LYST: variants seen among roughly 807,000 people sequenced by gnomAD.
LYST encodes lysosomal-trafficking regulator.
LYST carries 192 observed loss-of-function variants against 413.6 expected under a neutral mutation model. The ratio of observed to expected loss-of-function variants is 0.46; its 90% CI spans 0.41 to 0.52. The LOEUF is 0.52. LYST is among the 20% of genes least tolerant of loss of function. The probability of loss-of-function intolerance (pLI) is 0.00; values close to 1 mark genes in which losing one functional copy is unlikely to be tolerated. For missense variants in LYST, 3,815 were observed against 4,499.9 expected (o/e 0.85, Z 4.35); for synonymous variants, 1,525 against 1,567.3 (o/e 0.97, Z 0.64).
At chr1:235,844,602 A>T (rs1319812010) in intron 1 of LYST, among the ~76,000 whole-genome samples, 1 of 152,222 alleles carries the variant, frequency 6.6e-6, no homozygotes, top group Non-Finnish European at 1.5e-5. Context: ...CCTAACACTA[A>T]ATACTACCTC....
In LYST at chr1:235,815,827, A is replaced by G. The variant is rs148780925; in HGVS notation, c.193-2766T>C. Among the ~76,000 whole-genome samples, 10 of 152,302 alleles carry G rather than the reference A, an allele frequency of 6.6e-5. No individual in the cohort carries two copies. The East Asian group carries it at 1.9e-3, about 29-fold the overall frequency. On this transcript the variant is annotated intron_variant, in intron 3 of 52. Transcript: ENST00000389793. ...AGAAACATTCCACATTCATGAATAG[A>G]AAGAAACAATATTGTTAAAATGGGG... is the stretch of plus-strand genomic sequence containing the variant.
chr1:235,684,193 C>T (rs1660038689), intron 48 of LYST, among the ~76,000 whole-genome samples: 1 of 152,132 alleles, frequency 6.6e-6, no homozygotes, highest in Non-Finnish European at 1.5e-5. Flanking sequence ...TTCCTCAAAG[C>T]TATCCTGTGC....
chr1:235,696,798 CAGCCTCAA>C (rs1661140785), intron 46 of LYST, among the ~76,000 whole-genome samples: 1 of 152,234 alleles, frequency 6.6e-6, no homozygotes, highest in South Asian at 2.1e-4. Context: ...TGGGGCTCAA[CAGCCTCAA>C]AGTGTACATT....
chr1:235,847,477 C>A (rs980292792), intron 1 of LYST, among the ~76,000 whole-genome samples: 6 of 151,970 alleles, frequency 3.9e-5, no homozygotes, highest in Non-Finnish European at 7.4e-5. Flanking sequence ...AGTTAAAAAG[C>A]AAAAACAAAA....
In LYST at chr1:235,778,098, AAT is replaced by A. The variant is rs139907712; in HGVS notation, c.5215-792_5215-791del. On this transcript the variant is annotated intron_variant, in intron 16 of 52. Coordinates refer to ENST00000389793, the MANE Select transcript of LYST (RefSeq NM_000081.4). Reference sequence around the variant, plus strand: ...CCACCACACCCAGTTAACCCAGTTAAATATATATATATATATATATATATTTT... The same window carrying A: ...CCACCACACCCAGTTAACCCAGTTAAATATATATATATATATATATATTTT... Among the ~76,000 whole-genome samples the A allele has an allele frequency of 1.0e-3, 130 of 127,926 alleles. 2 individuals carry two copies. Among genetic ancestry groups the A allele is most frequent in the African/African-American group, 1.7e-3 (45 of 26,714 alleles). The allele number at this position is 127,926 out of a possible 152,430, so 83.9% of individuals were successfully genotyped here.
chr1:235,824,046 C>A (rs1466890585), intron 3 of LYST, among the ~76,000 whole-genome samples: 1 of 152,122 alleles, frequency 6.6e-6, no homozygotes, highest in Non-Finnish European at 1.5e-5. Flanking sequence ...TTATATATCA[C>A]TACAGGTAGC....
rs1418882455 is a variant in LYST at position 235,661,866 on chromosome 1, G to A, written c.*1074C>T. ...GATGTTTAGGAATTCTGTCTTTATG[G>A]TATGTAAGTTTGCTGTGGAATACAC... On this transcript the variant is annotated 3_prime_UTR_variant, in exon 53 of 53. Coordinates refer to ENST00000389793, the MANE Select transcript of LYST (RefSeq NM_000081.4). 6.6e-6 allele frequency: 1 copy of A among 152,574 alleles called. No homozygotes were observed. The highest frequency in any genetic ancestry group is 1.5e-5 in the Non-Finnish European group (1 of 68,034). The allele number at this position is 152,574 out of a possible 1,614,324, so 9.5% of individuals were successfully genotyped here. A position where few individuals can be genotyped will look rare whatever the true frequency, so the allele number is the denominator to read the frequency against.
intron 10 of LYST, 106 bp downstream of exon 10, chr1:235,800,214 T>C: frequency 1.3e-6 from 1 of 767,172 alleles, no homozygotes; most frequent in African/African-American, 1.7e-5. Context: ...CCTCCCAAAG[T>C]GCTAAGATCA....
chr1:235,669,110 G>C (rs1658722767), intron 50 of LYST, among the ~76,000 whole-genome samples: 1 of 152,216 alleles, frequency 6.6e-6, no homozygotes, highest in Non-Finnish European at 1.5e-5. Flanking sequence ...TCCTGGGACA[G>C]AGTCCCTAAA....
At chr1:235,690,202 CA>C (rs1202490624) in intron 47 of LYST, among the ~76,000 whole-genome samples, 1 of 152,182 alleles carries the variant, frequency 6.6e-6, no homozygotes, top group African/African-American at 2.4e-5. Context: ...CTGATGACAG[CA>C]ATGAGTTAAA....
chr1:235,823,902 A>G (rs1429680166), intron 3 of LYST, among the ~76,000 whole-genome samples: 1 of 152,232 alleles, frequency 6.6e-6, no homozygotes, highest in African/African-American at 2.4e-5. Context: ...GCTCCTGGTA[A>G]AGACAGTCGC....
Position 235,801,166 on chromosome 1 carries a change from T to C in LYST, c.3713-69A>G, listed in dbSNP as rs528498830. 4.9e-5 allele frequency: 51 copies of C among 1,048,008 alleles called. 1 individual carries two copies. The South Asian group carries it at 6.2e-4, about 13-fold the overall frequency. The allele number at this position is 1,048,008 out of a possible 1,614,324, so 64.9% of individuals were successfully genotyped here. ...TAAATATTTCAAACTTCATTAATCA[T>C]TTAGAAGATCTAGTGGCAAAAATAG... On this transcript the variant is annotated intron_variant, in intron 8 of 52. Transcript: ENST00000389793.
chr1:235,773,225 AG>A (rs941592957), intron 19 of LYST, among the ~76,000 whole-genome samples: 3 of 151,744 alleles, frequency 2.0e-5, no homozygotes, highest in African/African-American at 7.3e-5. Context: ...AGGCTGAGGT[AG>A]GAGTATCATC....
At chr1:235,821,619 A>C (rs183766345) in intron 3 of LYST, among the ~76,000 whole-genome samples, 7 of 152,358 alleles carry the variant, frequency 4.6e-5, no homozygotes. Flanking sequence ...CTTGAATTAG[A>C]CCAGGAATTG....
chr1:235,731,053 T>G lies in LYST; in HGVS notation c.8926A>C (p.Arg2976=). The G allele has an allele frequency of 6.2e-7, 1 of 1,613,654 alleles. No individual in the cohort carries two copies. The highest frequency in any genetic ancestry group is 8.5e-7 in the Non-Finnish European group (1 of 1,179,554). Residue 2976 remains arginine (R), a synonymous_variant, in exon 35 of 53, where the codon AGG becomes CGG. Coordinates refer to ENST00000389793, the MANE Select transcript of LYST (RefSeq NM_000081.4). ...YLTIPNKYLL[R]DRQKSEDVVK... ...TTACCTTCTGATTTCTGTCTATCCC[T>G]AAGGAGATACTTATTTGGAATAGTT...
chr1:235,676,107 C>G (rs1236172409), intron 50 of LYST, among the ~76,000 whole-genome samples: 1 of 152,128 alleles, frequency 6.6e-6, no homozygotes. Flanking sequence ...GGTTTCTTAA[C>G]ATGTATATAT....
chr1:235,841,058 C>T (rs1436053984), intron 1 of LYST, among the ~76,000 whole-genome samples: 2 of 152,212 alleles, frequency 1.3e-5, no homozygotes, highest in Non-Finnish European at 2.9e-5. Context: ...ACCAGGTGAG[C>T]TGAGTCCTCT....
rs187590438 is a variant in LYST at position 235,743,168 on chromosome 1, C to T, written c.8151+811G>A. Among the ~76,000 whole-genome samples, 286 of 152,222 alleles carry T rather than the reference C, an allele frequency of 1.9e-3. 1 individual carries two copies. Among genetic ancestry groups the T allele is most frequent in the Non-Finnish European group, 2.8e-3 (193 of 68,014 alleles). ...CCATAGAGTATTCCCTAACAATTAA[C>T]CAATTGTTTTAACTATGGTCCCACT... On this transcript the variant is annotated intron_variant, in intron 30 of 52. Coordinates refer to ENST00000389793, the MANE Select transcript of LYST (RefSeq NM_000081.4).
intron 3 of LYST, among the ~76,000 whole-genome samples, chr1:235,817,982 CA>C (rs1418266419): frequency 6.6e-6 from 1 of 152,026 alleles, no homozygotes; most frequent in African/African-American, 2.4e-5. Flanking sequence ...GTAAGTTTTA[CA>C]ATATTTTCTG....
Sources: allele counts gnomAD v4.1 joint callset (sites outside exome capture counted in the v4.1 genomes callset), GRCh38; gene constraint gnomAD v4.1.1; transcripts MANE v1.5; gene names NCBI Gene and HGNC (gene_info 2026-07-23, HGNC 2026-07-21).